GOSR1: variants seen among roughly 807,000 people sequenced by gnomAD.
The protein encoded by GOSR1 is golgi SNAP receptor complex member 1.
In GOSR1, 21 loss-of-function variants were observed where a neutral mutation model predicts 35.5. That is an observed-to-expected ratio of 0.59 (90% CI 0.42 to 0.85). The LOEUF is 0.85. Ranked by LOEUF, GOSR1 falls within the 40% of genes least tolerant of loss-of-function variation. The pLI is 0.00. For synonymous variants in GOSR1, 94 were observed against 106.6 expected (o/e 0.88, Z 0.73); for missense variants, 285 against 309.6 (o/e 0.92, Z 0.60).
intron 8 of GOSR1, among the ~76,000 whole-genome samples, chr17:30,521,584 T>C (rs1263138037): frequency 1.4e-5 from 2 of 140,708 alleles, no homozygotes; most frequent in Non-Finnish European, 3.2e-5. Context: ...CAAAAGAATG[T>C]GTTCAAAAAA....
intron 1 of GOSR1, among the ~76,000 whole-genome samples, chr17:30,480,445 G>A (rs552700583): frequency 1.3e-5 from 2 of 152,252 alleles, no homozygotes; most frequent in African/African-American, 4.8e-5. Flanking sequence ...ACATTAACTG[G>A]TAAGTTGATA....
At chr17:30,507,799 A>G (rs565807910) in intron 6 of GOSR1, among the ~76,000 whole-genome samples, 9 of 152,208 alleles carry the variant, frequency 5.9e-5, no homozygotes, top group African/African-American at 1.9e-4. Flanking sequence ...TTATCTCATG[A>G]TAAAACGTAA....
chr17:30,487,693 A>G (rs555370127), intron 4 of GOSR1, among the ~76,000 whole-genome samples: 2 of 152,240 alleles, frequency 1.3e-5, no homozygotes, highest in African/African-American at 4.8e-5. Flanking sequence ...GGGAACATAA[A>G]TTGATGTAAT....
chr17:30,495,475 G>A (rs527877798), intron 6 of GOSR1: 1 of 454,910 alleles, frequency 2.2e-6, no homozygotes, highest in African/African-American at 2.0e-5. Flanking sequence ...ACTTACACAA[G>A]CAGAAAAAGC....
intron 2 of GOSR1, 68 bp from the exon 3 acceptor site, chr17:30,484,146 A>G: frequency 1.2e-6 from 1 of 814,846 alleles, no homozygotes; most frequent in Non-Finnish European, 2.2e-6. Flanking sequence ...TAATCACCTT[A>G]TTATTTTAAG....
At chr17:30,493,471 ATTAC>A (rs1396571383) in intron 6 of GOSR1, among the ~76,000 whole-genome samples, 2 of 152,176 alleles carry the variant, frequency 1.3e-5, no homozygotes, top group Non-Finnish European at 2.9e-5. Flanking sequence ...TTTTTTTGTA[ATTAC>A]AAATACTTGC....
intron 6 of GOSR1, 121 bp from the exon 7 acceptor site, chr17:30,510,758 GA>G: frequency 1.7e-6 from 1 of 587,166 alleles, no homozygotes; most frequent in Non-Finnish European, 3.1e-6. Flanking sequence ...CAGATGCTTT[GA>G]AAAAGCTAGA....
chr17:30,512,869 T>C (rs1026152129), intron 7 of GOSR1, among the ~76,000 whole-genome samples: 2 of 152,192 alleles, frequency 1.3e-5, no homozygotes, highest in Non-Finnish European at 2.9e-5. Flanking sequence ...TAAGGGCTGG[T>C]AATATGAGTA....
chr17:30,499,017 G>A (rs758859903), intron 6 of GOSR1, among the ~76,000 whole-genome samples: 4 of 152,102 alleles, frequency 2.6e-5, no homozygotes, highest in Admixed American at 6.5e-5. Flanking sequence ...GTCAGTCCCC[G>A]TCCCTCAGTC....
chr17:30,516,236 T>C (rs1433521745), intron 7 of GOSR1, among the ~76,000 whole-genome samples: 1 of 152,130 alleles, frequency 6.6e-6, no homozygotes, highest in Non-Finnish European at 1.5e-5. Context: ...TTTGGGAGGC[T>C]GAGGCGGGCG....
At position 30,481,719 on chromosome 17, in the gene GOSR1, A is replaced by C. The variant is rs1391753608; in HGVS notation, c.146+462A>C. ...ATCCTTGTTATTAATTATCAAAGCT[A>C]TCTTTAATTTTGGTACTTTTTTGGG... On this transcript the variant is annotated intron_variant, in intron 2 of 8. Transcript: ENST00000451249. Among the ~76,000 whole-genome samples the C allele has an allele frequency of 2.0e-5, 3 of 152,192 alleles. No homozygotes were observed. The East Asian group carries it at 5.8e-4, about 29-fold the overall frequency.
intron 5 of GOSR1, among the ~76,000 whole-genome samples, chr17:30,492,411 G>A (rs186187189): frequency 6.6e-6 from 1 of 152,332 alleles, no homozygotes; most frequent in Non-Finnish European, 1.5e-5. Flanking sequence ...AAGTAAGATT[G>A]TTTTGGTTGT....
chr17:30,504,809 A>G (rs141676414), intron 6 of GOSR1, among the ~76,000 whole-genome samples: 8 of 152,388 alleles, frequency 5.2e-5, no homozygotes, highest in Non-Finnish European at 1.2e-4. Context: ...CCTCAGGAAC[A>G]TTGAATACAA....
chr17:30,490,163 T>A lies in GOSR1; in HGVS notation c.380T>A (p.Phe127Tyr). The change falls in exon 5 of 9, where the codon TTT (phenylalanine) becomes TAT (tyrosine). Residue 127 changes from phenylalanine (F) to tyrosine (Y), a missense_variant. This residue lies in a region of GOSR1 where 168 missense variants were observed against 183.2 expected (regional missense o/e 0.92). Coordinates refer to ENST00000451249, the MANE Select transcript of GOSR1 (RefSeq NM_001007025.2). ...THEFHKTKAN[F>Y]MAIRERENLM... ...GAATTCCATAAAACCAAAGCAAACT[T>A]TATGGCAATACGGGAAAGGGAGAAT... 1.3e-6 allele frequency: 2 copies of A among 1,570,880 alleles called. No individual in the cohort carries two copies. Among genetic ancestry groups the A allele is most frequent in the Non-Finnish European group, 1.8e-6 (2 of 1,141,002 alleles).
chr17:30,501,557 C>A (rs960271488), intron 6 of GOSR1, among the ~76,000 whole-genome samples: 1 of 151,574 alleles, frequency 6.6e-6, no homozygotes, highest in East Asian at 1.9e-4. Context: ...AGTGCAGTGG[C>A]GCGATCTCGG....
chr17:30,499,862 T>C (rs1297340903), intron 6 of GOSR1, among the ~76,000 whole-genome samples: 1 of 152,246 alleles, frequency 6.6e-6, no homozygotes, highest in African/African-American at 2.4e-5. Context: ...TATTGTGGTT[T>C]TGATTTGTAT....
intron 4 of GOSR1, 39 bp from the exon 5 acceptor site, chr17:30,490,087 A>T: frequency 1.1e-6 from 1 of 921,464 alleles, no homozygotes; most frequent in Non-Finnish European, 1.8e-6. Flanking sequence ...GAAAATCCAT[A>T]ATTAGCTTCT....
At chr17:30,484,050 C>T (rs141045783) in intron 2 of GOSR1, among the ~76,000 whole-genome samples, 164 bp from the exon 3 acceptor site, 2 of 152,272 alleles carry the variant, frequency 1.3e-5, no homozygotes, top group East Asian at 3.9e-4. Context: ...TTGAAGGAAC[C>T]ATAATTCCTT....
chr17:30,524,433 ACTGT>A lies in GOSR1; in HGVS notation c.*2058_*2061del, dbSNP rs1050092579. The A allele has an allele frequency of 2.0e-5, 3 of 152,052 alleles. No individual in the cohort carries two copies. Among genetic ancestry groups the A allele is most frequent in the African/African-American group, 4.8e-5 (2 of 41,364 alleles). 9.4% of individuals were successfully genotyped at this position (152,052 alleles called of 1,614,324 possible). A position where few individuals can be genotyped will look rare whatever the true frequency, so the allele number is the denominator to read the frequency against. On this transcript the variant is annotated 3_prime_UTR_variant, in exon 9 of 9. Coordinates refer to ENST00000451249, the MANE Select transcript of GOSR1 (RefSeq NM_001007025.2). ...TGTCTGAAATGGAGATCACTGTAAA[ACTGT>A]CTTTTTCTTTTAAATTACAAGTACA...
Sources: allele counts gnomAD v4.1 joint callset (sites outside exome capture counted in the v4.1 genomes callset), GRCh38; gene constraint gnomAD v4.1.1; regional missense constraint gnomAD v4.1.1; transcripts MANE v1.5; gene names NCBI Gene and HGNC (gene_info 2026-07-23, HGNC 2026-07-21).